The following SV2A variants were observed in gnomAD, a reference collection of about 807,000 sequenced individuals.
SV2A encodes the protein synaptic vesicle glycoprotein 2A, also known as solute carrier family 22 member B1.
Under a neutral mutation model 78.0 loss-of-function variants are expected in SV2A, and 25 were observed. That is an observed-to-expected ratio of 0.32 (90% confidence interval 0.23 to 0.45). The LOEUF (loss-of-function observed/expected upper bound fraction) is 0.45, where lower values mean the gene tolerates loss of function less well. SV2A is among the 20% of genes least tolerant of loss of function. The pLI is 1.00. For synonymous variants in SV2A, 355 were observed against 384.7 expected, an observed-to-expected ratio of 0.92 and a Z score of 0.90; for missense variants, 752 against 971.5, an observed-to-expected ratio of 0.77 and a Z score of 3.00.
chr1:149,913,446 G>C lies in SV2A; in HGVS notation c.395C>G (p.Pro132Arg). The change falls in exon 2 of 13, where the codon CCC becomes CGC. Residue 132 changes from proline (P) to arginine (R), a missense_variant. Physicochemically the swap from Pro to Arg is moderately radical, Grantham distance 103. This residue lies in a region of SV2A where 291 missense variants were observed against 359.5 expected (regional missense o/e 0.81). Coordinates refer to ENST00000369146, the MANE Select transcript of SV2A (RefSeq NM_014849.5). The stretch of plus-strand genomic sequence containing the variant: ...TTGTGCCTCCCCCCGGCCCCCAGGG[G>C]GACCCTCCCCATCACTCAAGCCCCC... Reference protein sequence around the residue: ...VRGGLSDGEGPPGGRGEAQRR... With the variant: ...VRGGLSDGEGRPGGRGEAQRR... 1 of 1,613,550 alleles carries C rather than the reference G, an allele frequency of 6.2e-7. No individual in the cohort carries two copies. The highest frequency in any genetic ancestry group is 8.5e-7 in the Non-Finnish European group (1 of 1,179,832).
Position 149,909,254 on chromosome 1 carries a change from A to C in SV2A, c.1317T>G (p.Phe439Leu), listed in dbSNP as rs1216504514. ...GAGTGATGCGCCGATATTCGGGACC[A>C]AAACAGGAGAGAAAATTCCCCCAAA... is the stretch of plus-strand genomic sequence containing the variant. ...GQVWGNFLSC[F>L]GPEYRRITLM... Residue 439 changes from phenylalanine (F) to leucine (L), a missense_variant, in exon 8 of 13, where the codon TTT becomes TTG. Coordinates refer to ENST00000369146, the MANE Select transcript of SV2A (RefSeq NM_014849.5). 15 of 1,613,996 alleles carry C rather than the reference A, an allele frequency of 9.3e-6. No homozygotes were observed. The highest frequency in any genetic ancestry group is 1.3e-5 in the Non-Finnish European group (15 of 1,180,032).
intron 8 of SV2A, among the ~76,000 whole-genome samples, chr1:149,908,723 T>C (rs112841211): frequency 0.089 from 13,608 of 152,156 alleles, 772 homozygotes; most frequent in African/African-American, 0.16. Context: ...CTGCAACCTC[T>C]GCCTCCCGGA....
In SV2A at chr1:149,904,601, C is replaced by T. The variant is rs1245558495; in HGVS notation, c.*413G>A. Reference sequence around the variant, plus strand: ...AAGTTCTTTTGGTCCATGGTCTACACCAGAGCCCCAGCCCCTAGCATAATT... The same window carrying T: ...AAGTTCTTTTGGTCCATGGTCTACATCAGAGCCCCAGCCCCTAGCATAATT... On this transcript the variant is annotated 3_prime_UTR_variant, in exon 13 of 13. Transcript: ENST00000369146. 1 of 165,944 alleles carries T rather than the reference C, an allele frequency of 6.0e-6. No individual in the cohort carries two copies. The highest frequency in any genetic ancestry group is 1.3e-5 in the Non-Finnish European group (1 of 76,652). 10.3% of individuals were successfully genotyped at this position (165,944 alleles called of 1,614,324 possible).
Position 149,905,965 on chromosome 1 carries a change from G to C in SV2A, c.1960C>G (p.Leu654Val). The C allele has an allele frequency of 6.2e-7, 1 of 1,614,168 alleles. No homozygotes were observed. Among genetic ancestry groups the C allele is most frequent in the Non-Finnish European group, 8.5e-7 (1 of 1,180,030 alleles). Reference sequence around the variant, plus strand: ...CTGACCCCGCCAAAAAGGCAGAGCAGAGCGATCATGGCCGACTCACTGTTC... The same window carrying C: ...CTGACCCCGCCAAAAAGGCAGAGCACAGCGATCATGGCCGACTCACTGTTC... ...FGNSESAMIA[L>V]LCLFGGVSIA... The change falls in exon 12 of 13, where the codon CTG (leucine) becomes GTG (valine). Residue 654 changes from leucine (L) to valine (V), a missense_variant. Physicochemically the swap from Leu to Val is conservative, Grantham distance 32. Transcript: ENST00000369146.
At chr1:149,909,760 T>A (rs782213216) in intron 6 of SV2A, 41 bp downstream of exon 6, 3 of 1,604,880 alleles carry the variant, frequency 1.9e-6, no homozygotes, top group Admixed American at 1.7e-5. Context: ...GGGCTGGGGC[T>A]GCAGGGCGTG....
chr1:149,909,531 A>G lies in SV2A; in HGVS notation c.1220T>C (p.Ile407Thr), dbSNP rs782547816. The change falls in exon 7 of 13, where the codon ATT becomes ACT. Residue 407 changes from isoleucine (I) to threonine (T), a missense_variant. This residue lies in a region of SV2A where 136 missense variants were observed against 132.3 expected (regional missense o/e 1.03). Coordinates refer to ENST00000369146, the MANE Select transcript of SV2A (RefSeq NM_014849.5). ...GGTCCCTGTGTCCGACTGGATCTCAATCAATTCATCCTCCTGATGAATCGT... is the reference window on the plus strand; with the variant it reads ...GGTCCCTGTGTCCGACTGGATCTCAGTCAATTCATCCTCCTGATGAATCGT... Reference protein sequence around the residue: ...IKTIHQEDELIEIQSDTGTWY... With the variant: ...IKTIHQEDELTEIQSDTGTWY... 3 of 1,613,974 alleles carry G rather than the reference A, an allele frequency of 1.9e-6. No individual in the cohort carries two copies. Among genetic ancestry groups the G allele is most frequent in the African/African-American group, 1.3e-5 (1 of 74,974 alleles).
chr1:149,906,521 C>A (rs1336256223), intron 11 of SV2A, 129 bp downstream of exon 11: 4 of 1,029,106 alleles, frequency 3.9e-6, no homozygotes, highest in Admixed American at 2.4e-5. Flanking sequence ...GCAGCACCCC[C>A]TAAACAGAAA....
Position 149,909,184 on chromosome 1 carries a change from C to T in SV2A, c.1379+8G>A. ...ACCACACATCACCCAGCCCACCCATCTCCTCACCTGAATGACATGGTGAAC... is the reference window on the plus strand; with the variant it reads ...ACCACACATCACCCAGCCCACCCATTTCCTCACCTGAATGACATGGTGAAC... On this transcript the variant is annotated splice_region_variant and intron_variant, in intron 8 of 12. Transcript: ENST00000369146. 1 of 1,613,696 alleles carries T rather than the reference C, an allele frequency of 6.2e-7. No homozygotes were observed. The highest frequency in any genetic ancestry group is 8.5e-7 in the Non-Finnish European group (1 of 1,179,664).
In SV2A at chr1:149,913,339, G is replaced by A. The variant is rs781898495; in HGVS notation, c.502C>T (p.Leu168=). ...ECGHGRFQWT[L]YFVLGLALMA... is the part of the protein sequence containing the mutation. ...AGCGCCAGACCAAGCACAAAATACA[G>A]TGTCCACTGGAAGCGGCCGTGGCCA... The change falls in exon 2 of 13, where the codon CTG becomes TTG. Residue 168 remains leucine, a synonymous_variant. Transcript: ENST00000369146. 1.2e-6 allele frequency: 2 copies of A among 1,614,168 alleles called. No individual in the cohort carries two copies. The highest frequency in any genetic ancestry group is 3.3e-5 in the Admixed American group (2 of 60,024).
rs782389171 is a variant in SV2A, at chr1:149,908,124, G to A, written c.1462C>T (p.Pro488Ser). Reference protein sequence around the residue: ...VDYASRTKVFPGERVEHVTFN... With the variant: ...VDYASRTKVFSGERVEHVTFN... ...GTTACATGCTCTACGCGCTCCCCGGGGAACACTTTGGTGCGGGATGCGTAG... is the reference window on the plus strand; with the variant it reads ...GTTACATGCTCTACGCGCTCCCCGGAGAACACTTTGGTGCGGGATGCGTAG... Residue 488 changes from proline to serine, a missense_variant, in exon 9 of 13, where the codon CCC (proline) becomes TCC (serine). This residue lies in a region of SV2A where 81 missense variants were observed against 74.2 expected (regional missense o/e 1.09). Coordinates refer to ENST00000369146, the MANE Select transcript of SV2A (RefSeq NM_014849.5). The A allele has an allele frequency of 1.2e-6, 2 of 1,614,072 alleles. No individual in the cohort carries two copies. Among genetic ancestry groups the A allele is most frequent in the South Asian group, 1.1e-5 (1 of 91,084 alleles).
rs1371660874 is a variant in SV2A, at chr1:149,903,359, A to G, written c.*1655T>C. 1 of 152,234 alleles carries G rather than the reference A, an allele frequency of 6.6e-6. No individual in the cohort carries two copies. The highest frequency in any genetic ancestry group is 1.5e-5 in the Non-Finnish European group (1 of 68,054). 9.4% of individuals were successfully genotyped at this position (152,234 alleles called of 1,614,324 possible). ...TTTGTTTCCGTTTTATTTTTCGTCA[A>G]TATTTTTCACTGCATTTTTCACATC... On this transcript the variant is annotated 3_prime_UTR_variant, in exon 13 of 13. Transcript: ENST00000369146.
At chr1:149,907,867 GTCATCCTCATGCCCCCTCCAAGAC>G (rs1371185411) in intron 9 of SV2A, 34 bp from the exon 10 acceptor site, 1 of 1,606,832 alleles carries the variant, frequency 6.2e-7, no homozygotes, top group Non-Finnish European at 8.5e-7. Context: ...ACACTCCCCC[GTCATCCTCATGCCCCCTCCAAGAC>G]TCACTCTTTA....
intron 1 of SV2A, among the ~76,000 whole-genome samples, chr1:149,916,786 G>A (rs1257546470): frequency 1.3e-5 from 2 of 152,152 alleles, no homozygotes; most frequent in African/African-American, 2.4e-5. Context: ...ATGACAGCCC[G>A]GTCATCGAAC....
chr1:149,906,071 C>T, intron 11 of SV2A, 32 bp from the exon 12 acceptor site: 1 of 1,611,870 alleles, frequency 6.2e-7, no homozygotes. Context: ...GCAACATGAG[C>T]CTGGCCACAG....
chr1:149,909,668 G>A, intron 6 of SV2A, 97 bp from the exon 7 acceptor site: 1 of 1,438,232 alleles, frequency 7.0e-7, no homozygotes, highest in Non-Finnish European at 9.8e-7. Flanking sequence ...ATGGGAGGCA[G>A]GAGGTGGATA....
At chr1:149,914,591 C>A (rs782562028) in intron 1 of SV2A, among the ~76,000 whole-genome samples, 1 of 152,206 alleles carries the variant, frequency 6.6e-6, no homozygotes, top group Non-Finnish European at 1.5e-5. Flanking sequence ...GCCCTCCAAC[C>A]TGTGGCCTTC....
chr1:149,909,718 A>C, intron 6 of SV2A, 83 bp downstream of exon 6: 2 of 1,496,868 alleles, frequency 1.3e-6, no homozygotes, highest in Non-Finnish European at 9.3e-7. Context: ...GTGTGGTCTG[A>C]GGTGGGGGGT....
At chr1:149,907,912 G>T in intron 9 of SV2A, 79 bp from the exon 10 acceptor site, 1 of 1,577,232 alleles carries the variant, frequency 6.3e-7, no homozygotes, top group Non-Finnish European at 8.6e-7. Context: ...GCGAAGTAAT[G>T]GGAAGCTGGG....
chr1:149,909,812 G>T lies in SV2A; in HGVS notation c.1168C>A (p.Arg390=), dbSNP rs782478152. ...GGGCTGTGGCTTACTGAGAACACTC[G>T]CTCAGGATGTCCTTTGGCTCGCATG... is the stretch of plus-strand genomic sequence containing the variant. ...TNMRAKGHPE[R]VFSVTHIKTI... The change falls in exon 6 of 13, where the codon CGA becomes AGA. Residue 390 remains arginine, a synonymous_variant. Coordinates refer to ENST00000369146, the MANE Select transcript of SV2A (RefSeq NM_014849.5). The T allele has an allele frequency of 6.2e-7, 1 of 1,613,866 alleles. No individual in the cohort carries two copies. The highest frequency in any genetic ancestry group is 8.5e-7 in the Non-Finnish European group (1 of 1,180,012).
Sources: gnomAD v4.1 joint callset for allele counts (sites outside exome capture counted in the v4.1 genomes callset) on GRCh38, gnomAD v4.1.1 for gene constraint, gnomAD v4.1.1 regional missense constraint, MANE v1.5 for transcripts, NCBI Gene and HGNC (gene_info 2026-07-23, HGNC 2026-07-21) for gene names.